INVS: variants seen among roughly 807,000 people sequenced by gnomAD.
The protein encoded by INVS is inversin.
A neutral mutation model predicts 108.8 loss-of-function variants in INVS; 86 were observed. The observed-to-expected ratio is 0.79, with a 90% CI of 0.66 to 0.95. The LOEUF (loss-of-function observed/expected upper bound fraction) is 0.95, where lower values mean the gene tolerates loss of function less well. INVS is among the 40% of genes least tolerant of loss of function. The probability of loss-of-function intolerance (pLI) is 0.00; values close to 1 mark genes in which losing one functional copy is unlikely to be tolerated. For missense variants in INVS, 1,169 were observed against 1,297.4 expected, an observed-to-expected ratio of 0.90 and a Z score of 1.52; for synonymous variants, 455 against 473.5, an observed-to-expected ratio of 0.96 and a Z score of 0.51.
chr9:100,159,370 A>T (rs918640048), intron 3 of INVS, among the ~76,000 whole-genome samples: 11 of 152,248 alleles, frequency 7.2e-5, no homozygotes, highest in Admixed American at 7.2e-4. Context: ...CAAGTAAATG[A>T]CATACAGATA....
chr9:100,273,582 G>A (rs1252811365), intron 12 of INVS, among the ~76,000 whole-genome samples: 3 of 131,568 alleles, frequency 2.3e-5, no homozygotes, highest in Non-Finnish European at 4.6e-5. Context: ...TTGCCGCCCA[G>A]GCTGGAATGC....
chr9:100,167,931 GT>G (rs1459440574), intron 3 of INVS, among the ~76,000 whole-genome samples: 14 of 152,280 alleles, frequency 9.2e-5, no homozygotes, highest in African/African-American at 3.4e-4. Flanking sequence ...GAATAATCCT[GT>G]TTTGCTATCT....
At position 100,126,471 on chromosome 9, in the gene INVS, T is replaced by C; in HGVS notation, c.195T>C (p.Asp65=). 6.2e-7 allele frequency: 1 copy of C among 1,614,180 alleles called. No individual in the cohort carries two copies. The highest frequency in any genetic ancestry group is 8.5e-7 in the Non-Finnish European group (1 of 1,179,996). The change falls in exon 3 of 17, where the codon GAT becomes GAC. Residue 65 remains aspartate (D), a synonymous_variant. Transcript: ENST00000262457. ...CVLADRLDCA[D]ALLKAGADVN... ...TGGCTGACAGATTGGATTGTGCAGA[T>C]GCTCTTCTGAAGGCAGGAGCAGATG...
chr9:100,263,902 A>G (rs541738285), intron 10 of INVS, among the ~76,000 whole-genome samples: 1 of 152,148 alleles, frequency 6.6e-6, no homozygotes, highest in Admixed American at 6.6e-5. Flanking sequence ...GGTCTTATAT[A>G]TCTTTACTGC....
chr9:100,252,355 A>T lies in INVS; in HGVS notation c.1151A>T (p.Asp384Val). 3 of 1,613,942 alleles carry T rather than the reference A, an allele frequency of 1.9e-6. No homozygotes were observed. The highest frequency in any genetic ancestry group is 2.5e-6 in the Non-Finnish European group (3 of 1,179,830). The change falls in exon 9 of 17, where the codon GAT (aspartate) becomes GTT (valine). Residue 384 changes from aspartate to valine, a missense_variant. Around this residue, in one of 3 missense-constraint regions of INVS, gnomAD observed 271 missense variants for 363.8 expected, o/e 0.74. Transcript: ENST00000262457. ...KLLLENNAQV[D>V]ATDVMKHTPL... ...TTACTGGAAAATAATGCTCAAGTAG[A>T]TGCTACTGATGTTATGAAACATACT...
At chr9:100,138,006 G>T (rs1020676557) in intron 3 of INVS, among the ~76,000 whole-genome samples, 2 of 152,112 alleles carry the variant, frequency 1.3e-5, no homozygotes, top group Non-Finnish European at 1.5e-5. Context: ...GAGAGTCAAC[G>T]TAATAATATA....
At chr9:100,211,056 T>C (rs990603653) in intron 3 of INVS, among the ~76,000 whole-genome samples, 1 of 152,020 alleles carries the variant, frequency 6.6e-6, no homozygotes, top group Non-Finnish European at 1.5e-5. Context: ...CACCAGTGAA[T>C]GACAAACTCT....
chr9:100,125,644 A>G (rs1827859402), intron 2 of INVS, among the ~76,000 whole-genome samples: 2 of 146,042 alleles, frequency 1.4e-5, no homozygotes, highest in South Asian at 4.3e-4. Context: ...TACTTGCTCT[A>G]TCTTGTCATC....
intron 3 of INVS, among the ~76,000 whole-genome samples, chr9:100,178,132 C>A (rs1463328624): frequency 6.6e-6 from 1 of 152,184 alleles, no homozygotes; most frequent in African/African-American, 2.4e-5. Flanking sequence ...AGGTCACCAA[C>A]ATAGAAGACC....
At chr9:100,206,564 A>T (rs538182651) in intron 3 of INVS, among the ~76,000 whole-genome samples, 45 of 152,254 alleles carry the variant, frequency 3.0e-4, no homozygotes, top group Non-Finnish European at 5.9e-4. Context: ...AGTAAGTTGC[A>T]GGTGTGATAC....
At chr9:100,126,586 G>T in intron 3 of INVS, 37 bp downstream of exon 3, 1 of 1,593,230 alleles carries the variant, frequency 6.3e-7, no homozygotes, top group Non-Finnish European at 8.6e-7. Flanking sequence ...TAAATGTTTT[G>T]TGTGATGTCT....
chr9:100,102,360 C>T (rs1827022842), intron 1 of INVS, among the ~76,000 whole-genome samples: 1 of 152,110 alleles, frequency 6.6e-6, no homozygotes. Context: ...CTTACAAGCT[C>T]CATGAGACTA....
chr9:100,140,858 A>T (rs1315387565), intron 3 of INVS, among the ~76,000 whole-genome samples: 1 of 152,156 alleles, frequency 6.6e-6, no homozygotes, highest in Admixed American at 6.5e-5. Context: ...GTTTTGTATG[A>T]ATTGAAAAAC....
intron 3 of INVS, among the ~76,000 whole-genome samples, chr9:100,126,825 A>G (rs1827900428): frequency 6.6e-6 from 1 of 152,194 alleles, no homozygotes; most frequent in African/African-American, 2.4e-5. Context: ...AATGTGATGA[A>G]ACAATGTTAC....
intron 3 of INVS, among the ~76,000 whole-genome samples, chr9:100,180,207 C>A (rs1481043640): frequency 6.6e-6 from 1 of 152,002 alleles, no homozygotes; most frequent in African/African-American, 2.4e-5. Context: ...AAAATCGACA[C>A]CCTAACATCA....
intron 3 of INVS, among the ~76,000 whole-genome samples, chr9:100,225,655 G>A (rs780400937): frequency 2.0e-5 from 3 of 151,966 alleles, no homozygotes; most frequent in African/African-American, 7.3e-5. Context: ...ATGTGCAAAC[G>A]TCTTTGACCC....
At chr9:100,297,820 C>T in intron 15 of INVS, 116 bp from the exon 16 acceptor site, 1 of 1,044,186 alleles carries the variant, frequency 9.6e-7, no homozygotes, top group Non-Finnish European at 1.5e-6. Flanking sequence ...CCATACCTAA[C>T]TTATCTTGAC....
intron 12 of INVS, among the ~76,000 whole-genome samples, chr9:100,276,032 ACT>A (rs1252309884): frequency 3.3e-5 from 5 of 151,954 alleles, no homozygotes; most frequent in Non-Finnish European, 7.4e-5. Flanking sequence ...ATCTCCTGTA[ACT>A]CTCTGATTCT....
chr9:100,280,755 A>G (rs566889036), intron 12 of INVS, among the ~76,000 whole-genome samples: 1 of 152,306 alleles, frequency 6.6e-6, no homozygotes, highest in South Asian at 2.1e-4. Flanking sequence ...TTTCAGGACA[A>G]TTATTGAATC....
Sources: gnomAD v4.1 joint callset for allele counts (sites outside exome capture counted in the v4.1 genomes callset) on GRCh38, gnomAD v4.1.1 for gene constraint, gnomAD v4.1.1 regional missense constraint, MANE v1.5 for transcripts, NCBI Gene and HGNC (gene_info 2026-07-23, HGNC 2026-07-21) for gene names.